Variants in CYP4Z1 observed in about 807,000 individuals in gnomAD.
CYP4Z1 encodes cytochrome P450 4Z1.
CYP4Z1 carries 41 observed loss-of-function variants against 54.2 expected under a neutral mutation model. The observed-to-expected ratio is 0.76, with a 90% CI of 0.59 to 0.98. CYP4Z1 has a LOEUF of 0.98. Ranked by LOEUF, CYP4Z1 falls within the 50% of genes least tolerant of loss-of-function variation. The pLI, the probability that CYP4Z1 is intolerant of heterozygous loss-of-function variation, is 0.00. For missense variants in CYP4Z1, 513 were observed against 599.0 expected, an observed-to-expected ratio of 0.86 and a Z score of 1.50; for synonymous variants, 163 against 206.2, an observed-to-expected ratio of 0.79 and a Z score of 1.79.
intron 11 of CYP4Z1, among the ~76,000 whole-genome samples, chr1:47,117,499 C>T (rs1168325016): frequency 6.6e-6 from 1 of 151,922 alleles, no homozygotes; most frequent in Non-Finnish European, 1.5e-5. Flanking sequence ...ACCTGTAATC[C>T]CAGCACTTTC....
At chr1:47,058,372 T>G in the CYP4Z1 span, among the ~76,000 whole-genome samples, 2 of 152,078 alleles carry the variant, frequency 1.3e-5, no homozygotes, top group Non-Finnish European at 2.9e-5. Context: ...CTCAGAAACA[T>G]TTTCTGGTTC....
At chr1:47,107,832 G>C (rs961188064) in intron 9 of CYP4Z1, among the ~76,000 whole-genome samples, 1 of 152,060 alleles carries the variant, frequency 6.6e-6, no homozygotes, top group African/African-American at 2.4e-5. Context: ...GGTCCTTTCT[G>C]TTTCATGTTC....
intron 8 of CYP4Z1, among the ~76,000 whole-genome samples, chr1:47,103,484 A>G (rs1644734767): frequency 6.8e-6 from 1 of 147,580 alleles, no homozygotes; most frequent in South Asian, 2.1e-4. Flanking sequence ...TATGATATCT[A>G]TCTCTTTGGT....
chr1:47,100,942 C>T (rs1338622365), intron 8 of CYP4Z1, among the ~76,000 whole-genome samples: 1 of 152,140 alleles, frequency 6.6e-6, no homozygotes, highest in Non-Finnish European at 1.5e-5. Flanking sequence ...ACTACTCATA[C>T]TGGTCTGTTC....
intron 7 of CYP4Z1, chr1:47,096,822 G>T (rs1234492154): frequency 6.6e-6 from 1 of 151,814 alleles, no homozygotes; most frequent in Non-Finnish European, 1.5e-5. Flanking sequence ...TAGAGACGGG[G>T]TTTCACCATA....
intron 6 of CYP4Z1, among the ~76,000 whole-genome samples, chr1:47,087,238 A>G (rs1447187137): frequency 1.3e-5 from 2 of 152,168 alleles, no homozygotes; most frequent in Admixed American, 6.5e-5. Flanking sequence ...GAAGAAAGTC[A>G]TTGGTAGCTT....
chr1:47,100,708 T>C (rs761495035), intron 8 of CYP4Z1, among the ~76,000 whole-genome samples: 1 of 152,256 alleles, frequency 6.6e-6, no homozygotes, highest in Non-Finnish European at 1.5e-5. Flanking sequence ...AATCTCTTAC[T>C]GTGCCTAATT....
intron 3 of CYP4Z1, among the ~76,000 whole-genome samples, 177 bp from the exon 4 acceptor site, chr1:47,082,157 C>A (rs538716191): frequency 2.0e-5 from 3 of 152,018 alleles, no homozygotes; most frequent in Admixed American, 1.3e-4. Flanking sequence ...AACAAATTTT[C>A]TGATTTGGAC....
the CYP4Z1 span, among the ~76,000 whole-genome samples, chr1:47,061,975 T>G: frequency 6.6e-6 from 1 of 152,154 alleles, no homozygotes; most frequent in African/African-American, 2.4e-5. Flanking sequence ...TTTGATAAAA[T>G]TGGACATCAC....
chr1:47,062,035 A>C, the CYP4Z1 span, among the ~76,000 whole-genome samples: 1 of 152,242 alleles, frequency 6.6e-6, no homozygotes, highest in Non-Finnish European at 1.5e-5. Context: ...CATTCCTCAA[A>C]ATAATAAGAG....
At chr1:47,055,822 T>C in the CYP4Z1 span, among the ~76,000 whole-genome samples, 2 of 152,328 alleles carry the variant, frequency 1.3e-5, no homozygotes, top group Non-Finnish European at 2.9e-5. Context: ...TCTTCTTTAT[T>C]AGTCTTGCTA....
At chr1:47,105,485 G>A (rs956197174) in intron 8 of CYP4Z1, among the ~76,000 whole-genome samples, 19 of 152,148 alleles carry the variant, frequency 1.2e-4, no homozygotes, top group Middle Eastern at 3.2e-3. Context: ...TGGTGGGAAC[G>A]TGGATCACTG....
intron 7 of CYP4Z1, among the ~76,000 whole-genome samples, chr1:47,097,947 C>A (rs1264054694): frequency 2.6e-5 from 4 of 151,428 alleles, no homozygotes; most frequent in Non-Finnish European, 5.9e-5. Flanking sequence ...TCCCGAGTAG[C>A]TGGGATTACA....
intron 6 of CYP4Z1, among the ~76,000 whole-genome samples, chr1:47,086,633 A>G (rs1032471605): frequency 6.6e-6 from 1 of 152,086 alleles, no homozygotes; most frequent in African/African-American, 2.4e-5. Context: ...ATTTTCTCCC[A>G]TCTGTAGGCT....
Position 47,094,605 on chromosome 1 carries a change from A to C in CYP4Z1, c.812A>C (p.Lys271Thr), listed in dbSNP as rs202177126. The change falls in exon 7 of 12, where the codon AAG (lysine) becomes ACG (threonine). Residue 271 changes from lysine (K) to threonine (T), a missense_variant. Transcript: ENST00000334194. ...GACCGGAAGGAGTCTCTTAAGGATA[A>C]GCTAAAACAAGATACTACTCAGAAA... is the stretch of plus-strand genomic sequence containing the variant. ...IQDRKESLKD[K>T]LKQDTTQKRR... 9.3e-6 allele frequency: 15 copies of C among 1,609,056 alleles called. No homozygotes were observed. The highest frequency in any genetic ancestry group is 1.3e-5 in the Non-Finnish European group (15 of 1,178,542).
In CYP4Z1 at chr1:47,106,231, AC is replaced by A. The variant is rs1644756649; in HGVS notation, c.1173del (p.Pro393GlnfsTer10). ...NISRLLDKPI[T>X]FPDGRSLPAG... ...ATCCCGGTTACTCGACAAACCCATC[AC>A]CTTTCCAGATGGACGCTCCTTACCT... On this transcript the variant is annotated frameshift_variant, in exon 9 of 12. Transcript: ENST00000334194. LOFTEE classifies it high-confidence loss of function. The A allele has an allele frequency of 6.2e-7, 1 of 1,611,376 alleles. No homozygotes were observed. The highest frequency in any genetic ancestry group is 1.1e-5 in the South Asian group (1 of 90,688).
chr1:47,100,386 T>A (rs1644712732), intron 8 of CYP4Z1, among the ~76,000 whole-genome samples: 1 of 152,186 alleles, frequency 6.6e-6, no homozygotes, highest in Non-Finnish European at 1.5e-5. Context: ...AAATATTAAA[T>A]GAAAAATGCC....
At chr1:47,065,330 C>T (rs1484718389), upstream of CYP4Z1, among the ~76,000 whole-genome samples, 2 of 151,986 alleles carry the variant, frequency 1.3e-5, no homozygotes, top group Non-Finnish European at 2.9e-5. Flanking sequence ...ATATCAAGTA[C>T]TCTCTCAAAC....
chr1:47,068,842 G>A, intron 2 of CYP4Z1, 79 bp downstream of exon 2: 1 of 1,526,922 alleles, frequency 6.5e-7, no homozygotes, highest in South Asian at 1.3e-5. Flanking sequence ...GGGAAGGACA[G>A]GTTGAAGCAT....
Sources: allele counts gnomAD v4.1 joint callset (sites outside exome capture counted in the v4.1 genomes callset), GRCh38; gene constraint gnomAD v4.1.1; transcripts MANE v1.5; gene names NCBI Gene and HGNC (gene_info 2026-07-23, HGNC 2026-07-21).